DGKD: variants seen among roughly 807,000 people sequenced by gnomAD.
The protein encoded by DGKD is diacylglycerol kinase delta.
A neutral mutation model predicts 154.4 loss-of-function variants in DGKD; 68 were observed. The observed-to-expected ratio is 0.44, with a 90% CI of 0.36 to 0.54. The LOEUF (loss-of-function observed/expected upper bound fraction) is 0.54. DGKD is among the 20% of genes least tolerant of loss of function. DGKD has a pLI of 0.00. For synonymous variants in DGKD, 693 were observed against 638.0 expected (o/e 1.09, Z -1.30); for missense variants, 1,343 against 1,593.6 (o/e 0.84, Z 2.68).
intron 24 of DGKD, among the ~76,000 whole-genome samples, chr2:233,461,846 GGT>G (rs2063655537): frequency 6.6e-6 from 1 of 152,364 alleles, no homozygotes; most frequent in African/African-American, 2.4e-5. Context: ...CCTGGGACCT[GGT>G]GTGACTTGTG....
rs1297487886 is a variant in DGKD at position 233,441,348 on chromosome 2, C to T, written c.1086-539C>T. ...ACGCAGCCCGCAGCAGGTCAGGCAG[C>T]CTGGGGCTCCAGGGTGACCAGAACA... On this transcript the variant is annotated intron_variant, in intron 9 of 29. Coordinates refer to ENST00000264057, the MANE Select transcript of DGKD (RefSeq NM_152879.3). This position sits in a 1 kb window ranked among gnomAD's most constrained non-coding sequence, Gnocchi z 5.6. Among the ~76,000 whole-genome samples the T allele has an allele frequency of 6.6e-6, 1 of 152,168 alleles. No individual in the cohort carries two copies. Among genetic ancestry groups the T allele is most frequent in the Non-Finnish European group, 1.5e-5 (1 of 68,010 alleles).
At chr2:233,448,863 C>T (rs114445736) in intron 14 of DGKD, among the ~76,000 whole-genome samples, 6 of 152,206 alleles carry the variant, frequency 3.9e-5, no homozygotes, top group East Asian at 1.9e-4. Context: ...AGACTCAGCT[C>T]GCAATCAGTA....
intron 3 of DGKD, among the ~76,000 whole-genome samples, chr2:233,417,181 C>G (rs905783602): frequency 1.3e-5 from 2 of 152,058 alleles, no homozygotes; most frequent in African/African-American, 4.8e-5. Flanking sequence ...TAGAGGCACC[C>G]GCCACCACGC....
intron 1 of DGKD, among the ~76,000 whole-genome samples, chr2:233,370,147 C>G (rs1190813609): frequency 6.6e-6 from 1 of 152,154 alleles, no homozygotes; most frequent in Non-Finnish European, 1.5e-5. Context: ...TCCCCCTCCT[C>G]CCAGCTGCTG....
At chr2:233,397,809 G>A (rs1253922733) in intron 3 of DGKD, among the ~76,000 whole-genome samples, 1 of 151,916 alleles carries the variant, frequency 6.6e-6, no homozygotes, top group South Asian at 2.1e-4. Flanking sequence ...GGTGTCTAGG[G>A]GGCAGTGGGC....
chr2:233,354,864 C>T lies in DGKD; in HGVS notation c.156+190C>T, dbSNP rs1300854326. Among the ~76,000 whole-genome samples, 2 of 145,164 alleles carry T rather than the reference C, an allele frequency of 1.4e-5. No homozygotes were observed. The highest frequency in any genetic ancestry group is 4.2e-4 in the South Asian group (2 of 4,796). On this transcript the variant is annotated intron_variant, in intron 1 of 29. Transcript: ENST00000264057. The surrounding 1 kb of genome is among the most constrained non-coding windows in gnomAD (Gnocchi z 4.8). ...CCGGCGCCCCGGGCGGAGCGCGCGG[C>T]CCCCGACGGACGGCGGGCGGCTGTG...
chr2:233,430,042 C>A (rs1390440551), intron 3 of DGKD, among the ~76,000 whole-genome samples: 1 of 152,214 alleles, frequency 6.6e-6, no homozygotes, highest in Non-Finnish European at 1.5e-5. Flanking sequence ...TAAATTAAAG[C>A]TATGAGATGT....
In DGKD at chr2:233,398,366, C is replaced by T. The variant is rs546720495; in HGVS notation, c.348+7883C>T. On this transcript the variant is annotated intron_variant, in intron 3 of 29. Coordinates refer to ENST00000264057, the MANE Select transcript of DGKD (RefSeq NM_152879.3). ...TTCACAGCGTTAGCCAGGATGGTCT[C>T]GATCTCCTGACCTCGTGATCCGCCG... Among the ~76,000 whole-genome samples the T allele has an allele frequency of 4.6e-5, 7 of 151,970 alleles. No individual in the cohort carries two copies. In the East Asian group the frequency reaches 1.2e-3, roughly 25 times the overall value.
At chr2:233,463,115 C>T (rs1357899652) in intron 26 of DGKD, among the ~76,000 whole-genome samples, 1 of 152,168 alleles carries the variant, frequency 6.6e-6, no homozygotes, top group Non-Finnish European at 1.5e-5. Flanking sequence ...TACTGAATCA[C>T]AGGGGCTAGA....
Position 233,440,534 on chromosome 2 carries a change from C to G in DGKD, c.1086-1353C>G, listed in dbSNP as rs1425953202. Reference sequence around the variant, plus strand: ...GCAAGTCAAACTGGGCGTCCTTCCACGTCTCCCCGAGCTGGCATCCGAGGA... The same window carrying G: ...GCAAGTCAAACTGGGCGTCCTTCCAGGTCTCCCCGAGCTGGCATCCGAGGA... On this transcript the variant is annotated intron_variant, in intron 9 of 29. Transcript: ENST00000264057. This position sits in a 1 kb window ranked among gnomAD's most constrained non-coding sequence, Gnocchi z 4.9. Among the ~76,000 whole-genome samples, 5 of 152,280 alleles carry G rather than the reference C, an allele frequency of 3.3e-5. No individual in the cohort carries two copies. In the South Asian group the frequency reaches 1.0e-3, roughly 32 times the overall value.
chr2:233,446,940 GA>G (rs2063096490), intron 12 of DGKD, 144 bp downstream of exon 12: 1 of 939,212 alleles, frequency 1.1e-6, no homozygotes, highest in Non-Finnish European at 1.6e-6. Flanking sequence ...GGCGCAGGGT[GA>G]ACCCATGGCT....
chr2:233,447,410 A>G (rs1398967643), intron 12 of DGKD: 1 of 933,374 alleles, frequency 1.1e-6, no homozygotes, highest in South Asian at 4.9e-5. Context: ...AGCTTTTGTC[A>G]GGGGCTAGGG....
rs2063317850 is a variant in DGKD at position 233,452,217 on chromosome 2, AGTGGAGCTGGAAACCACTACTGCAC to A, written c.2264+158_2264+182del. Among the ~76,000 whole-genome samples, 1 of 152,198 alleles carries A rather than the reference AGTGGAGCTGGAAACCACTACTGCAC, an allele frequency of 6.6e-6. No homozygotes were observed. On this transcript the variant is annotated intron_variant, in intron 18 of 29. Coordinates refer to ENST00000264057, the MANE Select transcript of DGKD (RefSeq NM_152879.3). This position sits in a 1 kb window ranked among gnomAD's most constrained non-coding sequence, Gnocchi z 4.0. ...GAAGTCGTGGAGATTCCACTTAAGGAGTGGAGCTGGAAACCACTACTGCACATCTGCTGCAGAGGCAAAGCGCACG... is the reference window on the plus strand; with the variant it reads ...GAAGTCGTGGAGATTCCACTTAAGGAATCTGCTGCAGAGGCAAAGCGCACG...
intron 1 of DGKD, among the ~76,000 whole-genome samples, chr2:233,364,535 C>T (rs1701933477): frequency 6.6e-6 from 1 of 152,098 alleles, no homozygotes; most frequent in Admixed American, 6.5e-5. Flanking sequence ...TAAAGTCTTT[C>T]CATTTCCAGG....
intron 1 of DGKD, among the ~76,000 whole-genome samples, chr2:233,372,839 C>G (rs1249251641): frequency 6.6e-6 from 1 of 151,972 alleles, no homozygotes; most frequent in Non-Finnish European, 1.5e-5. Context: ...GACTCTTGGT[C>G]CAGAATTCTA....
At chr2:233,374,621 C>T (rs1470202770) in intron 1 of DGKD, among the ~76,000 whole-genome samples, 2 of 149,180 alleles carry the variant, frequency 1.3e-5, no homozygotes, top group Non-Finnish European at 3.0e-5. Context: ...AGGTGTGAGC[C>T]ATAGCACCTG....
At chr2:233,467,049 C>G in intron 27 of DGKD, 37 bp from the exon 28 acceptor site, 1 of 1,523,386 alleles carries the variant, frequency 6.6e-7, no homozygotes, top group South Asian at 1.1e-5. Context: ...TGATCAGTTG[C>G]AGCCTGATTC....
At chr2:233,463,632 ATCTCC>A (rs2063735779) in intron 26 of DGKD, among the ~76,000 whole-genome samples, 4 of 145,532 alleles carry the variant, frequency 2.7e-5, no homozygotes, top group East Asian at 4.3e-4. Flanking sequence ...CACTCCACGC[ATCTCC>A]TCACTCCACG....
chr2:233,391,659 T>A (rs910797626), intron 3 of DGKD, among the ~76,000 whole-genome samples: 2 of 152,338 alleles, frequency 1.3e-5, no homozygotes, highest in Admixed American at 6.5e-5. Context: ...ATTAAAAAAA[T>A]TATTCTTTTA....
Sources: gnomAD v4.1 joint callset for allele counts (sites outside exome capture counted in the v4.1 genomes callset) on GRCh38, gnomAD v4.1.1 for gene constraint, Gnocchi (gnomAD v3.1) non-coding constraint, MANE v1.5 for transcripts, NCBI Gene and HGNC (gene_info 2026-07-23, HGNC 2026-07-21) for gene names.